The following CHRM3 variants were observed in gnomAD, a reference collection of about 807,000 sequenced individuals.
The protein encoded by CHRM3 is cholinergic receptor muscarinic 3, also known as muscarinic acetylcholine receptor M3.
Under a neutral mutation model 41.8 loss-of-function variants are expected in CHRM3, and 11 were observed. The ratio of observed to expected loss-of-function variants is 0.26; its 90% CI spans 0.17 to 0.44. The LOEUF is 0.44. Among genes scored for constraint, CHRM3 ranks in the 20% least tolerant of loss-of-function variants. CHRM3 has a pLI of 1.00. For synonymous variants in CHRM3, 297 were observed against 301.4 expected (o/e 0.99, Z 0.15); for missense variants, 571 against 745.4 (o/e 0.77, Z 2.72).
chr1:239,537,467 A>G (rs539725124), intron 2 of CHRM3, among the ~76,000 whole-genome samples: 2 of 152,164 alleles, frequency 1.3e-5, no homozygotes, highest in Admixed American at 6.5e-5. Flanking sequence ...TCACCAAGCC[A>G]TGAGGGATCC....
chr1:239,895,066 A>T (rs1678881190), intron 6 of CHRM3, among the ~76,000 whole-genome samples: 1 of 152,212 alleles, frequency 6.6e-6, no homozygotes, highest in South Asian at 2.1e-4. Flanking sequence ...CCTCAGAAAA[A>T]TCTAGCTGGA....
At chr1:239,873,971 C>T (rs1268260896) in intron 6 of CHRM3, among the ~76,000 whole-genome samples, 1 of 152,018 alleles carries the variant, frequency 6.6e-6, no homozygotes, top group Non-Finnish European at 1.5e-5. Flanking sequence ...TCATGGATTT[C>T]ATGGATTTCG....
At chr1:239,799,758 A>G (rs1670064834) in intron 5 of CHRM3, among the ~76,000 whole-genome samples, 2 of 152,172 alleles carry the variant, frequency 1.3e-5, no homozygotes, top group Non-Finnish European at 2.9e-5. Context: ...TGCTTCACAC[A>G]GCCCTGTCTC....
chr1:239,650,260 G>A (rs1333393544), intron 4 of CHRM3, among the ~76,000 whole-genome samples: 3 of 152,198 alleles, frequency 2.0e-5, no homozygotes, highest in Non-Finnish European at 4.4e-5. Context: ...AATGAATGAC[G>A]ATACTGTAAA....
intron 4 of CHRM3, among the ~76,000 whole-genome samples, chr1:239,665,005 A>T (rs906056706): frequency 6.6e-6 from 1 of 151,858 alleles, no homozygotes; most frequent in Non-Finnish European, 1.5e-5. Flanking sequence ...CCTGCAGCAG[A>T]TCTGTCTCTG....
intron 1 of CHRM3, among the ~76,000 whole-genome samples, chr1:239,448,465 A>G (rs1664310267): frequency 6.6e-6 from 1 of 152,114 alleles, no homozygotes; most frequent in African/African-American, 2.4e-5. Context: ...TTCAGATTTA[A>G]TGAATTATTG....
At chr1:239,718,673 A>T (rs1377033237) in intron 5 of CHRM3, 1 of 151,894 alleles carries the variant, frequency 6.6e-6, no homozygotes, top group Admixed American at 6.6e-5. Flanking sequence ...AGTGACACTG[A>T]TTAGTAAAAA....
At chr1:239,639,170 T>C (rs1670817462) in intron 4 of CHRM3, among the ~76,000 whole-genome samples, 1 of 152,148 alleles carries the variant, frequency 6.6e-6, no homozygotes, top group Non-Finnish European at 1.5e-5. Flanking sequence ...ACTGTAGCCT[T>C]GTAGTATAGT....
At chr1:239,596,247 A>G (rs1664760938) in intron 3 of CHRM3, among the ~76,000 whole-genome samples, 1 of 152,166 alleles carries the variant, frequency 6.6e-6, no homozygotes, top group African/African-American at 2.4e-5. Context: ...GGGACATTTC[A>G]GCTGTTGACA....
At chr1:239,687,198 G>T (rs1164976411) in intron 5 of CHRM3, among the ~76,000 whole-genome samples, 1 of 151,824 alleles carries the variant, frequency 6.6e-6, no homozygotes, top group African/African-American at 2.4e-5. Context: ...AAGAATAATT[G>T]ATCCATTTTT....
At chr1:239,460,270 T>C (rs898843065) in intron 1 of CHRM3, among the ~76,000 whole-genome samples, 1 of 152,138 alleles carries the variant, frequency 6.6e-6, no homozygotes, top group Non-Finnish European at 1.5e-5. Context: ...CCTTTTGTAC[T>C]TCTCTGCCCT....
At chr1:239,666,948 A>G (rs930464811) in intron 4 of CHRM3, among the ~76,000 whole-genome samples, 1 of 152,030 alleles carries the variant, frequency 6.6e-6, no homozygotes, top group African/African-American at 2.4e-5. Context: ...TTGTTAATTC[A>G]CTTAGAATAA....
chr1:239,510,293 C>A (rs992180322), intron 2 of CHRM3, among the ~76,000 whole-genome samples: 1 of 152,134 alleles, frequency 6.6e-6, no homozygotes, highest in Non-Finnish European at 1.5e-5. Flanking sequence ...GTGTGGTAGT[C>A]CAGGCCTATG....
intron 6 of CHRM3, among the ~76,000 whole-genome samples, chr1:239,878,546 T>G (rs1179289377): frequency 6.6e-6 from 1 of 152,068 alleles, no homozygotes; most frequent in Non-Finnish European, 1.5e-5. Context: ...GTCTGTGGCC[T>G]GCATCTTGGA....
intron 5 of CHRM3, among the ~76,000 whole-genome samples, chr1:239,805,630 A>ATGTGTG (rs5782101): frequency 8.1e-5 from 12 of 148,778 alleles, no homozygotes; most frequent in African/African-American, 2.2e-4. Flanking sequence ...GGTGGGGTGA[A>ATGTGTG]TGTGTGTGTG....
chr1:239,763,734 G>A (rs558259873), intron 5 of CHRM3, among the ~76,000 whole-genome samples: 1 of 151,616 alleles, frequency 6.6e-6, no homozygotes, highest in African/African-American at 2.4e-5. Flanking sequence ...TTCACATTCG[G>A]GCACTGGGAA....
chr1:239,663,703 A>T (rs149402151), intron 4 of CHRM3, among the ~76,000 whole-genome samples: 515 of 152,338 alleles, frequency 3.4e-3, no homozygotes, highest in African/African-American at 0.012. Context: ...ATGGAAATCT[A>T]AATACATGCA....
chr1:239,756,685 C>T (rs978032986), intron 5 of CHRM3, among the ~76,000 whole-genome samples: 4 of 152,076 alleles, frequency 2.6e-5, no homozygotes, highest in African/African-American at 9.7e-5. Context: ...TAATGGCTGA[C>T]CTGTTTTCTA....
intron 5 of CHRM3, chr1:239,706,617 T>TACACACACACACACACAC (rs35644191): frequency 7.6e-5 from 11 of 145,036 alleles, no homozygotes; most frequent in African/African-American, 2.4e-4. Context: ...TGTGTCCATG[T>TACACACACACACACACAC]ACACACACAC....
Sources: allele counts gnomAD v4.1 joint callset (sites outside exome capture counted in the v4.1 genomes callset), GRCh38; gene constraint gnomAD v4.1.1; transcripts MANE v1.5; gene names NCBI Gene and HGNC (gene_info 2026-07-23, HGNC 2026-07-21).